RB1CC1: variants seen among roughly 807,000 people sequenced by gnomAD.
RB1CC1 encodes the protein RB1-inducible coiled-coil protein 1.
Under a neutral mutation model 177.5 loss-of-function variants are expected in RB1CC1, and 46 were observed. That is an observed-to-expected ratio of 0.26 (90% confidence interval 0.20 to 0.33). The LOEUF (loss-of-function observed/expected upper bound fraction) is 0.33, where lower values mean the gene tolerates loss of function less well. Ranked by LOEUF, RB1CC1 falls within the 10% of genes least tolerant of loss-of-function variation. RB1CC1 has a pLI of 1.00. For missense variants in RB1CC1, 1,703 were observed against 1,816.3 expected (o/e 0.94, Z 1.13); for synonymous variants, 666 against 613.6 (o/e 1.09, Z -1.26).
chr8:52,650,586 A>G (rs1850479910), intron 15 of RB1CC1, among the ~76,000 whole-genome samples: 1 of 152,166 alleles, frequency 6.6e-6, no homozygotes, highest in African/African-American at 2.4e-5. Flanking sequence ...TTTAATCCTG[A>G]AATATTTAAA....
rs1179998713 is a variant in RB1CC1 at position 52,673,950 on chromosome 8, A to G, written c.897T>C (p.Gly299=). 1 of 1,614,164 alleles carries G rather than the reference A, an allele frequency of 6.2e-7. No homozygotes were observed. ...AAGAGACATTAAAAAAGGGCAGATC[A>G]CCATCTTTAGTGTCAATCGTAGTTT... is the stretch of plus-strand genomic sequence containing the variant. The part of the protein sequence containing the change: ...QDETTIDTKD[G]DLPFFNVSLL... The change falls in exon 7 of 24, where the codon GGT becomes GGC. Residue 299 remains glycine (G), a synonymous_variant. Transcript: ENST00000025008.
chr8:52,677,284 TTTAAC>T (rs1351384994), intron 5 of RB1CC1, among the ~76,000 whole-genome samples: 1 of 152,128 alleles, frequency 6.6e-6, no homozygotes, highest in East Asian at 1.9e-4. Context: ...ACTGAAGGCA[TTTAAC>T]TTAAGTATAA....
chr8:52,710,494 T>C (rs1856962330), intron 1 of RB1CC1, among the ~76,000 whole-genome samples: 1 of 152,202 alleles, frequency 6.6e-6, no homozygotes, highest in South Asian at 2.1e-4. Flanking sequence ...TCAGGCAATA[T>C]GGTTTTATAA....
At chr8:52,668,855 G>A (rs1243684910) in intron 7 of RB1CC1, among the ~76,000 whole-genome samples, 1 of 152,156 alleles carries the variant, frequency 6.6e-6, no homozygotes, top group Non-Finnish European at 1.5e-5. Flanking sequence ...AGTTAGCATG[G>A]CAGATAACCT....
In RB1CC1 at chr8:52,661,210, A is replaced by G. The variant is rs1478263210; in HGVS notation, c.1430T>C (p.Ile477Thr). Residue 477 changes from isoleucine (I) to threonine (T), a missense_variant, in exon 10 of 24, where the codon ATA becomes ACA. This residue lies in a region of RB1CC1 where 1,169 missense variants were observed against 1,184.7 expected (regional missense o/e 0.99). Coordinates refer to ENST00000025008, the MANE Select transcript of RB1CC1 (RefSeq NM_014781.5). Reference protein sequence around the residue: ...EKLQALLRLVIELLERVKIVE... With the variant: ...EKLQALLRLVTELLERVKIVE... ...AATTTTGACTCTTTCTAACAGCTCT[A>G]TTACGAGGCGGAGCAAAGCTTGTAA... is the stretch of plus-strand genomic sequence containing the variant. 2 of 1,613,968 alleles carry G rather than the reference A, an allele frequency of 1.2e-6. No homozygotes were observed. Among genetic ancestry groups the G allele is most frequent in the East Asian group, 2.2e-5 (1 of 44,840 alleles).
intron 16 of RB1CC1, among the ~76,000 whole-genome samples, chr8:52,644,945 C>T (rs1018990207): frequency 4.6e-5 from 7 of 152,308 alleles, no homozygotes; most frequent in Non-Finnish European, 8.8e-5. Context: ...TACCAAATTG[C>T]TCTTCCAGCT....
chr8:52,641,333 G>A (rs1228787464), intron 18 of RB1CC1, among the ~76,000 whole-genome samples: 7 of 139,564 alleles, frequency 5.0e-5, no homozygotes, highest in African/African-American at 1.1e-4. Context: ...GCAGTGAGCC[G>A]AGATTGTGCC....
intron 12 of RB1CC1, among the ~76,000 whole-genome samples, chr8:52,659,299 TGTAA>T (rs1442865898): frequency 7.2e-5 from 11 of 152,222 alleles, no homozygotes; most frequent in South Asian, 2.1e-4. Flanking sequence ...TAAACACATA[TGTAA>T]GTGTGTGCGT....
In RB1CC1 at chr8:52,668,247, A is replaced by G. The variant is rs1852249232; in HGVS notation, c.1003-56T>C. The G allele has an allele frequency of 4.5e-6, 7 of 1,569,906 alleles. No homozygotes were observed. In the South Asian group the frequency reaches 6.8e-5, roughly 15 times the overall value. ...ATTTTCAGCAAATAGTTTAAAATGTATTTCATGCTATTCTGACATACAGCT... is the reference window on the plus strand; with the variant it reads ...ATTTTCAGCAAATAGTTTAAAATGTGTTTCATGCTATTCTGACATACAGCT... On this transcript the variant is annotated intron_variant, in intron 7 of 23. Transcript: ENST00000025008.
chr8:52,670,763 A>T (rs1258921129), intron 7 of RB1CC1, among the ~76,000 whole-genome samples: 1 of 152,108 alleles, frequency 6.6e-6, no homozygotes, highest in African/African-American at 2.4e-5. Context: ...GAGCCAGGCA[A>T]ATCAACTGAG....
intron 3 of RB1CC1, among the ~76,000 whole-genome samples, chr8:52,685,043 G>T (rs56663043): frequency 1.5e-4 from 22 of 143,572 alleles, no homozygotes; most frequent in East Asian, 8.1e-4. Context: ...CTGCTCAGTC[G>T]CTGGGCTGGA....
At chr8:52,648,014 G>A (rs1046412256) in intron 15 of RB1CC1, among the ~76,000 whole-genome samples, 9 of 152,060 alleles carry the variant, frequency 5.9e-5, no homozygotes, top group Non-Finnish European at 1.0e-4. Context: ...TAGGTGTCCT[G>A]CATCTTTGGA....
At position 52,704,207 on chromosome 8, in the gene RB1CC1, T is replaced by C. The variant is rs1856354009; in HGVS notation, c.-167+9868A>G. ...ATTTCTCTGAATCTCAGTTTCGTCA[T>C]CTTAAAACATAAAGGGGTACACTAG... On this transcript the variant is annotated intron_variant, in intron 1 of 23. Transcript: ENST00000025008. Among the ~76,000 whole-genome samples, 4 of 152,254 alleles carry C rather than the reference T, an allele frequency of 2.6e-5. No homozygotes were observed. The South Asian group carries it at 6.2e-4, about 24-fold the overall frequency.
Position 52,642,606 on chromosome 8 carries a change from A to C in RB1CC1, c.4097-15T>G. ...CTCTATCAAATCTGAAGGACACCCA[A>C]ATTTAAAAAAGTATCATGTAATTAA... On this transcript the variant is annotated splice_polypyrimidine_tract_variant and intron_variant, in intron 17 of 23. Coordinates refer to ENST00000025008, the MANE Select transcript of RB1CC1 (RefSeq NM_014781.5). 6.2e-7 allele frequency: 1 copy of C among 1,609,584 alleles called. No individual in the cohort carries two copies. The highest frequency in any genetic ancestry group is 1.3e-5 in the African/African-American group (1 of 74,668).
In RB1CC1 at chr8:52,660,597, C is replaced by T; in HGVS notation, c.1688G>A (p.Cys563Tyr). 2 of 1,584,034 alleles carry T rather than the reference C, an allele frequency of 1.3e-6. No homozygotes were observed. The highest frequency in any genetic ancestry group is 2.4e-5 in the South Asian group (2 of 84,176). ...CATGGTTAGAAAATAAATACATACACAAAAGGAAGGGGGCCAGGAGTCCAG... is the reference window on the plus strand; with the variant it reads ...CATGGTTAGAAAATAAATACATACATAAAAGGAAGGGGGCCAGGAGTCCAG... ...RGLDSWPPSF[C>Y]TQKPRKFDCE... is the part of the protein sequence containing the mutation. The change falls in exon 12 of 24, where the codon TGT becomes TAT. Residue 563 changes from cysteine (C) to tyrosine (Y), a missense_variant and splice_region_variant. Physicochemically the swap from Cys to Tyr is radical, Grantham distance 194. Around this residue, in one of 6 missense-constraint regions of RB1CC1, gnomAD observed 1,169 missense variants for 1,184.7 expected, o/e 0.99. Transcript: ENST00000025008.
intron 5 of RB1CC1, among the ~76,000 whole-genome samples, chr8:52,681,906 T>C (rs757908990): frequency 2.0e-4 from 31 of 152,308 alleles, no homozygotes; most frequent in Admixed American, 3.9e-4. Context: ...GGAGAACCTG[T>C]TAGGGCAGTG....
At chr8:52,631,845 C>A (rs1278150229) in intron 20 of RB1CC1, among the ~76,000 whole-genome samples, 1 of 152,136 alleles carries the variant, frequency 6.6e-6, no homozygotes, top group African/African-American at 2.4e-5. Context: ...TTCTTCTTAC[C>A]AAACCAGAGT....
rs183221820 is a variant in RB1CC1, at chr8:52,689,969, A to G, written c.-166-3002T>C. ...AAAGGCAGTATCTACAGCCAGGGAA[A>G]GTAGGCATAATTATCATAAATGTGA... On this transcript the variant is annotated intron_variant, in intron 1 of 23. Transcript: ENST00000025008. Among the ~76,000 whole-genome samples, 30 of 152,314 alleles carry G rather than the reference A, an allele frequency of 2.0e-4. No individual in the cohort carries two copies. The East Asian group carries it at 3.5e-3, about 18-fold the overall frequency.
At chr8:52,635,234 T>C (rs1849044207) in intron 19 of RB1CC1, among the ~76,000 whole-genome samples, 3 of 152,170 alleles carry the variant, frequency 2.0e-5, no homozygotes, top group African/African-American at 4.8e-5. Context: ...AAATATGTAG[T>C]AAAAATCTGA....
Sources: gnomAD v4.1 joint callset for allele counts (sites outside exome capture counted in the v4.1 genomes callset) on GRCh38, gnomAD v4.1.1 for gene constraint, gnomAD v4.1.1 regional missense constraint, MANE v1.5 for transcripts, NCBI Gene and HGNC (gene_info 2026-07-23, HGNC 2026-07-21) for gene names.